SCAPER: variants seen among roughly 807,000 people sequenced by gnomAD.
SCAPER encodes the protein S phase cyclin A-associated protein in the endoplasmic reticulum.
A neutral mutation model predicts 182.2 loss-of-function variants in SCAPER; 98 were observed. That is an observed-to-expected ratio of 0.54 (90% CI 0.46 to 0.64). The LOEUF is 0.64. Among genes scored for constraint, SCAPER ranks in the 30% least tolerant of loss-of-function variants. The pLI is 0.00. For synonymous variants in SCAPER, 605 were observed against 564.6 expected, an observed-to-expected ratio of 1.07 and a Z score of -1.01; for missense variants, 1,432 against 1,690.0, an observed-to-expected ratio of 0.85 and a Z score of 2.68.
intron 25 of SCAPER, among the ~76,000 whole-genome samples, chr15:76,455,828 C>T (rs1159868560): frequency 1.3e-5 from 2 of 152,084 alleles, no homozygotes; most frequent in African/African-American, 4.8e-5. Flanking sequence ...TCCCTTTGCC[C>T]CCCAACTCCT....
intron 17 of SCAPER, among the ~76,000 whole-genome samples, chr15:76,723,939 T>A (rs552548867): frequency 7.2e-5 from 11 of 152,334 alleles, no homozygotes; most frequent in African/African-American, 2.6e-4. Context: ...GTTAGTATTG[T>A]TACGTGTGAA....
intron 21 of SCAPER, among the ~76,000 whole-genome samples, chr15:76,635,036 A>G (rs1322467419): frequency 2.0e-5 from 3 of 152,222 alleles, no homozygotes; most frequent in Admixed American, 1.3e-4. Context: ...ATCATCACCA[A>G]ACTTCTAAAT....
chr15:76,881,899 T>A (rs1018198688), intron 2 of SCAPER, among the ~76,000 whole-genome samples: 4 of 152,138 alleles, frequency 2.6e-5, no homozygotes, highest in Non-Finnish European at 5.9e-5. Context: ...TAGCACAATT[T>A]AAAAAAATTA....
At position 76,607,339 on chromosome 15, in the gene SCAPER, C is replaced by T. The variant is rs1249369090; in HGVS notation, c.2711+14425G>A. 2.6e-5 allele frequency among the ~76,000 whole-genome samples: 4 copies of T among 152,300 alleles called. No homozygotes were observed. In the East Asian group the frequency reaches 7.7e-4, roughly 29 times the overall value. ...TTCTTTTCTTTAACAATGTTGAATACTGGCCCCCACTCTCTTCTGGCTTGT... is the reference window on the plus strand; with the variant it reads ...TTCTTTTCTTTAACAATGTTGAATATTGGCCCCCACTCTCTTCTGGCTTGT... On this transcript the variant is annotated intron_variant, in intron 22 of 31. Coordinates refer to ENST00000563290, the MANE Select transcript of SCAPER (RefSeq NM_020843.4).
intron 25 of SCAPER, among the ~76,000 whole-genome samples, chr15:76,459,751 C>T (rs2049014643): frequency 6.6e-6 from 1 of 152,122 alleles, no homozygotes; most frequent in African/African-American, 2.4e-5. Context: ...TTTGCCTAGA[C>T]TAATGTCCAG....
At position 76,406,337 on chromosome 15, in the gene SCAPER, G is replaced by C. The variant is rs2044828041; in HGVS notation, c.3312-1658C>G. Among the ~76,000 whole-genome samples the C allele has an allele frequency of 2.6e-5, 4 of 151,936 alleles. No homozygotes were observed. In the South Asian group the frequency reaches 8.3e-4, roughly 32 times the overall value. ...TACTAAAAATACAAAAATTAGCCAG[G>C]CATGGTGGCTGGAACCTGTAGTCCC... On this transcript the variant is annotated intron_variant, in intron 26 of 31. Coordinates refer to ENST00000563290, the MANE Select transcript of SCAPER (RefSeq NM_020843.4).
intron 24 of SCAPER, among the ~76,000 whole-genome samples, chr15:76,492,899 G>T (rs2052465512): frequency 6.7e-6 from 1 of 149,394 alleles, no homozygotes. Flanking sequence ...GAAGACAATG[G>T]GATGGATATT....
At chr15:76,816,822 T>TTTTTTGTA (rs1235714418) in intron 5 of SCAPER, among the ~76,000 whole-genome samples, 2 of 152,062 alleles carry the variant, frequency 1.3e-5, no homozygotes, top group African/African-American at 4.8e-5. Flanking sequence ...CCAGCTAATT[T>TTTTTTGTA]TTTTTGTATT....
intron 24 of SCAPER, among the ~76,000 whole-genome samples, chr15:76,488,714 C>CTTTGTTTTTTTGTTTTTTT (rs2051924537): frequency 1.1e-5 from 1 of 93,144 alleles, no homozygotes; most frequent in Non-Finnish European, 2.0e-5. Flanking sequence ...AGTACACTGC[C>CTTTGTTTTTTTGTTTTTTT]TTTTTTTTTT....
intron 14 of SCAPER, among the ~76,000 whole-genome samples, chr15:76,756,307 T>G (rs896114129): frequency 6.7e-6 from 1 of 149,972 alleles, no homozygotes; most frequent in Non-Finnish European, 1.5e-5. Flanking sequence ...CCAGGTATGA[T>G]GGCTCATGCC....
intron 2 of SCAPER, among the ~76,000 whole-genome samples, chr15:76,881,872 T>A (rs1419945271): frequency 6.6e-6 from 1 of 152,184 alleles, no homozygotes; most frequent in South Asian, 2.1e-4. Flanking sequence ...AGATGGTAAA[T>A]GTCATGTTAT....
At chr15:76,850,852 T>C (rs1233144790) in intron 4 of SCAPER, among the ~76,000 whole-genome samples, 1 of 122,900 alleles carries the variant, frequency 8.1e-6, no homozygotes, top group East Asian at 2.4e-4. Context: ...AGAGCAAGAC[T>C]CTGTCTCAAA....
intron 21 of SCAPER, among the ~76,000 whole-genome samples, chr15:76,637,814 T>A (rs2053769369): frequency 1.4e-5 from 2 of 140,996 alleles, no homozygotes; most frequent in East Asian, 2.2e-4. Context: ...ATATATATAT[T>A]CCACCCATCC....
In SCAPER at chr15:76,440,907, GTTTTTTTTTTGTTT is replaced by G. The variant is rs1419769170; in HGVS notation, c.3079-6611_3079-6598del. On this transcript the variant is annotated intron_variant, in intron 25 of 31. Transcript: ENST00000563290. The stretch of plus-strand genomic sequence containing the variant: ...ATCTTTTAAAATTATTCCCCTTCTG[GTTTTTTTTTTGTTT>G]TTTTTTTTTTTTTTTTTGGGGACGG... 1.6e-4 allele frequency among the ~76,000 whole-genome samples: 13 copies of G among 82,852 alleles called. 1 individual carries two copies. Among genetic ancestry groups the G allele is most frequent in the East Asian group, 8.4e-4 (2 of 2,372 alleles). 54.4% of individuals were successfully genotyped at this position (82,852 alleles called of 152,430 possible). A position where few individuals can be genotyped will look rare whatever the true frequency, so the allele number is the denominator to read the frequency against.
At chr15:76,838,501 C>T (rs1303591019) in intron 5 of SCAPER, among the ~76,000 whole-genome samples, 1 of 152,154 alleles carries the variant, frequency 6.6e-6, no homozygotes, top group East Asian at 1.9e-4. Flanking sequence ...TCACATAGAT[C>T]ATTAGATATA....
At chr15:76,436,006 AATTTCTTGCATT>A (rs1419759267) in intron 25 of SCAPER, among the ~76,000 whole-genome samples, 1 of 151,932 alleles carries the variant, frequency 6.6e-6, no homozygotes, top group Non-Finnish European at 1.5e-5. Context: ...TTTCTGGGAA[AATTTCTTGCATT>A]ATTTCTTTGC....
intron 2 of SCAPER, among the ~76,000 whole-genome samples, chr15:76,878,650 A>C (rs1463481628): frequency 2.0e-5 from 3 of 152,170 alleles, no homozygotes; most frequent in South Asian, 4.1e-4. Context: ...AGTCAAAGCC[A>C]GGCATGGTAG....
intron 24 of SCAPER, among the ~76,000 whole-genome samples, chr15:76,493,603 C>A (rs891475480): frequency 5.3e-5 from 8 of 152,130 alleles, no homozygotes; most frequent in Admixed American, 2.6e-4. Context: ...AGTGCTAGAG[C>A]ATTATTTTTA....
chr15:76,501,455 G>T (rs1246657465), intron 24 of SCAPER, among the ~76,000 whole-genome samples: 1 of 151,500 alleles, frequency 6.6e-6, no homozygotes, highest in Non-Finnish European at 1.5e-5. Context: ...GAAGTAAAAA[G>T]ATATGAACAG....
Sources: allele counts gnomAD v4.1 joint callset (sites outside exome capture counted in the v4.1 genomes callset), GRCh38; gene constraint gnomAD v4.1.1; transcripts MANE v1.5; gene names NCBI Gene and HGNC (gene_info 2026-07-23, HGNC 2026-07-21).